Variants in AGAP2 observed in about 807,000 individuals in gnomAD.
AGAP2 encodes ArfGAP with GTPase domain, ankyrin repeat and PH domain 2.
A neutral mutation model predicts 110.9 loss-of-function variants in AGAP2; 32 were observed. The ratio of observed to expected loss-of-function variants is 0.29; its 90% CI spans 0.22 to 0.39. The LOEUF (loss-of-function observed/expected upper bound fraction) is 0.39. Among genes scored for constraint, AGAP2 ranks in the 10% least tolerant of loss-of-function variants. AGAP2 has a pLI of 1.00. For synonymous variants in AGAP2, 702 were observed against 713.0 expected, an observed-to-expected ratio of 0.98 and a Z score of 0.25; for missense variants, 1,285 against 1,638.5, an observed-to-expected ratio of 0.78 and a Z score of 3.72.
chr12:57,738,161 G>A lies in AGAP2; in HGVS notation c.86C>T (p.Pro29Leu). 6.6e-7 allele frequency: 1 copy of A among 1,524,216 alleles called. No individual in the cohort carries two copies. The highest frequency in any genetic ancestry group is 1.7e-4 in the Middle Eastern group (1 of 5,940). 94.4% of individuals were successfully genotyped at this position (1,524,216 alleles called of 1,614,324 possible). A position where few individuals can be genotyped will look rare whatever the true frequency, so the allele number is the denominator to read the frequency against. Reference sequence around the variant, plus strand: ...GGCCGCAGACGGAGAAGGCGGCGGCGGAGGCACCGACTCGAGCTTAACCAG... The same window carrying A: ...GGCCGCAGACGGAGAAGGCGGCGGCAGAGGCACCGACTCGAGCTTAACCAG... ...LTLVKLESVP[P>L]PPPSPSAAAA... is the part of the protein sequence containing the mutation. Residue 29 changes from proline (P) to leucine (L), a missense_variant, in exon 1 of 19, where the codon CCG becomes CTG. Coordinates refer to ENST00000547588, the MANE Select transcript of AGAP2 (RefSeq NM_001122772.3). This position sits in a 1 kb window ranked among gnomAD's most constrained non-coding sequence, Gnocchi z 6.7.
Position 57,732,420 on chromosome 12 carries a change from T to C in AGAP2, c.1777A>G (p.Thr593Ala). Residue 593 changes from threonine (T) to alanine (A), a missense_variant, in exon 7 of 19, where the codon ACT becomes GCT. Transcript: ENST00000547588. ...CAACTCACCTGGCCAGCTACCGGAG[T>C]GGATGCAGCTGAGTGGCTTGGGGAG... ...PSSPSHSAASTPVAGQASNGG... is the reference protein window; with the variant it reads ...PSSPSHSAASAPVAGQASNGG... 2 of 1,604,544 alleles carry C rather than the reference T, an allele frequency of 1.2e-6. No homozygotes were observed. Among genetic ancestry groups the C allele is most frequent in the Non-Finnish European group, 1.7e-6 (2 of 1,175,156 alleles).
chr12:57,735,130 G>A (rs1737667426), intron 2 of AGAP2, among the ~76,000 whole-genome samples: 1 of 152,098 alleles, frequency 6.6e-6, no homozygotes, highest in African/African-American at 2.4e-5. Context: ...CCTGGAGGAG[G>A]ACCATGAACA....
At chr12:57,730,974 G>A (rs1954874726) in intron 10 of AGAP2, 21 bp from the exon 11 acceptor site, 1 of 1,493,840 alleles carries the variant, frequency 6.7e-7, no homozygotes, top group Non-Finnish European at 8.9e-7. Context: ...ACAGGGCCGA[G>A]AGTGTAGGGA....
At chr12:57,729,931 G>C (rs528967034) in intron 12 of AGAP2, among the ~76,000 whole-genome samples, 164 bp from the exon 13 acceptor site, 5 of 152,276 alleles carry the variant, frequency 3.3e-5, no homozygotes, top group African/African-American at 1.2e-4. Context: ...GATGCAGGGA[G>C]ATGAGAGGTT....
chr12:57,737,945 G>C lies in AGAP2; in HGVS notation c.302C>G (p.Ala101Gly), dbSNP rs1210867897. 2.2e-6 allele frequency: 3 copies of C among 1,395,324 alleles called. No individual in the cohort carries two copies. The highest frequency in any genetic ancestry group is 2.8e-6 in the Non-Finnish European group (3 of 1,085,472). 86.4% of individuals were successfully genotyped at this position (1,395,324 alleles called of 1,614,324 possible). A position where few individuals can be genotyped will look rare whatever the true frequency, so the allele number is the denominator to read the frequency against. ...PALSPAPASP[A>G]RPVSPAPGRR... ...GCCGGGAGCGGGGGAGACTGGGCGG[G>C]CCGGACTGGCCGGAGCCGGGGACAG... Residue 101 changes from alanine to glycine, a missense_variant, in exon 1 of 19, where the codon GCC (alanine) becomes GGC (glycine). Physicochemically the swap from Ala to Gly is moderately conservative, Grantham distance 60. This residue lies in a region of AGAP2 where 844 missense variants were observed against 941.2 expected (regional missense o/e 0.90). Transcript: ENST00000547588. This position sits in a 1 kb window ranked among gnomAD's most constrained non-coding sequence, Gnocchi z 5.9.
chr12:57,730,605 G>A lies in AGAP2; in HGVS notation c.2318C>T (p.Thr773Ile), dbSNP rs754573690. The change falls in exon 12 of 19, where the codon ACT becomes ATT. Residue 773 changes from threonine to isoleucine, a missense_variant. This residue lies in a region of AGAP2 where 135 missense variants were observed against 182.0 expected (regional missense o/e 0.74). Transcript: ENST00000547588. ...GCTGGGGCTAGGGCTTGGCATGGGA[G>A]TAGTGGCTTCTGTCGGAAGAAGATG... ...VQMGEGLEAT[T>I]PMPSPSPSPS... is the part of the protein sequence containing the mutation. The A allele has an allele frequency of 6.2e-6, 10 of 1,613,178 alleles. No homozygotes were observed. In the Middle Eastern group the frequency reaches 8.3e-4, roughly 133 times the overall value.
rs199929066 is a variant in AGAP2 at position 57,729,309 on chromosome 12, CA to C, written c.2557+329del. Among the ~76,000 whole-genome samples, 952 of 150,780 alleles carry C rather than the reference CA, an allele frequency of 6.3e-3. 12 individuals carry two copies. Among genetic ancestry groups the C allele is most frequent in the African/African-American group, 0.022 (900 of 41,098 alleles). ...GATAAGGGGCTGAATCACTGGGGAT[CA>C]GCGGGGCTGCCGGGTGCAGGGGCTG... On this transcript the variant is annotated intron_variant, in intron 13 of 18. Coordinates refer to ENST00000547588, the MANE Select transcript of AGAP2 (RefSeq NM_001122772.3).
intron 12 of AGAP2, 152 bp from the exon 13 acceptor site, chr12:57,729,919 G>A (rs1208805810): frequency 8.8e-7 from 1 of 1,133,678 alleles, no homozygotes; most frequent in Non-Finnish European, 1.2e-6. Context: ...ATCATTCCTG[G>A]GGATGCAGGG....
At position 57,738,118 on chromosome 12, in the gene AGAP2, ACCGGCGGCG is replaced by A; in HGVS notation, c.120_128del (p.Ala42_Ala44del). 1 of 1,520,574 alleles carries A rather than the reference ACCGGCGGCG, an allele frequency of 6.6e-7. No individual in the cohort carries two copies. The highest frequency in any genetic ancestry group is 2.5e-5 in the East Asian group (1 of 39,536). The allele number at this position is 1,520,574 out of a possible 1,614,324, so 94.2% of individuals were successfully genotyped here. A position where few individuals can be genotyped will look rare whatever the true frequency, so the allele number is the denominator to read the frequency against. On this transcript the variant is annotated inframe_deletion, in exon 1 of 19. Coordinates refer to ENST00000547588, the MANE Select transcript of AGAP2 (RefSeq NM_001122772.3). This position sits in a 1 kb window ranked among gnomAD's most constrained non-coding sequence, Gnocchi z 6.7. Reference sequence around the variant, plus strand: ...GATCCCCAGTCTCGGAGCCTCTGGCACCGGCGGCGCCGGCCGCGGCCGCAGACGGAGAAG... The same window carrying A: ...GATCCCCAGTCTCGGAGCCTCTGGCACCGGCCGCGGCCGCAGACGGAGAAG...
upstream of AGAP2, among the ~76,000 whole-genome samples, chr12:57,740,954 A>T (rs1313969592): frequency 6.6e-6 from 1 of 152,240 alleles, no homozygotes; most frequent in African/African-American, 2.4e-5. Flanking sequence ...GTAGGCAGGT[A>T]ACAATGGAGA....
chr12:57,727,615 CG>C, intron 16 of AGAP2, 33 bp from the exon 17 acceptor site: 1 of 1,591,980 alleles, frequency 6.3e-7, no homozygotes. Flanking sequence ...GGCTCCCAGC[CG>C]GGCAGCACAG....
At position 57,737,721 on chromosome 12, in the gene AGAP2, G is replaced by T; in HGVS notation, c.526C>A (p.Arg176=). The T allele has an allele frequency of 6.5e-7, 1 of 1,546,868 alleles. No homozygotes were observed. ...GGAGGAGGCGCCACCTTGAGCCTCC[G>T]GCTGCCGGTGCCAGGGTGCGGAGAG... is the stretch of plus-strand genomic sequence containing the variant. ...SSSPHPGTGS[R]RLKVAPPPPA... The change falls in exon 1 of 19, where the codon CGG becomes AGG. Residue 176 remains arginine, a synonymous_variant. Coordinates refer to ENST00000547588, the MANE Select transcript of AGAP2 (RefSeq NM_001122772.3). The surrounding 1 kb of genome is among the most constrained non-coding windows in gnomAD (Gnocchi z 5.9).
intron 12 of AGAP2, chr12:57,730,285 G>A: frequency 1.4e-6 from 1 of 713,686 alleles, no homozygotes; most frequent in Non-Finnish European, 2.2e-6. Flanking sequence ...CATGTGGCAA[G>A]CCAGGATTCA....
At position 57,726,353 on chromosome 12, in the gene AGAP2, C is replaced by A; in HGVS notation, c.*199G>T. 1 of 375,538 alleles carries A rather than the reference C, an allele frequency of 2.7e-6. No homozygotes were observed. Among genetic ancestry groups the A allele is most frequent in the Non-Finnish European group, 4.2e-6 (1 of 235,996 alleles). The allele number at this position is 375,538 out of a possible 1,614,324, so 23.3% of individuals were successfully genotyped here. Reference sequence around the variant, plus strand: ...GAGAGGGGGCGTGTTGAGCTGGGGTCTCCATGCCTCGTTGGGGAGAGGGAG... The same window carrying A: ...GAGAGGGGGCGTGTTGAGCTGGGGTATCCATGCCTCGTTGGGGAGAGGGAG... On this transcript the variant is annotated 3_prime_UTR_variant, in exon 19 of 19. Coordinates refer to ENST00000547588, the MANE Select transcript of AGAP2 (RefSeq NM_001122772.3). The surrounding 1 kb of genome is among the most constrained non-coding windows in gnomAD (Gnocchi z 5.7).
At chr12:57,734,297 C>G (rs767432167) in intron 4 of AGAP2, 22 bp downstream of exon 4, 3 of 1,613,870 alleles carry the variant, frequency 1.9e-6, no homozygotes, top group Admixed American at 1.7e-5. Flanking sequence ...GCCAGCCTGT[C>G]CCCCACCACC....
chr12:57,727,720 C>G lies in AGAP2; in HGVS notation c.2818G>C (p.Ala940Pro). Residue 940 changes from alanine to proline, a missense_variant, in exon 16 of 19, where the codon GCC becomes CCC. Physicochemically the swap from Ala to Pro is conservative, Grantham distance 27. Transcript: ENST00000547588. ...TCCACGCAGATTGAATTCCCCTTGGCGTTCCGGATCGCCTGGATGGCCACG... is the reference window on the plus strand; with the variant it reads ...TCCACGCAGATTGAATTCCCCTTGGGGTTCCGGATCGCCTGGATGGCCACG... ...EAVAIQAIRN[A>P]KGNSICVDCG... 6.2e-7 allele frequency: 1 copy of G among 1,600,520 alleles called. No homozygotes were observed. The highest frequency in any genetic ancestry group is 1.1e-5 in the South Asian group (1 of 89,036).
chr12:57,741,112 C>T (rs1030301956), upstream of AGAP2, among the ~76,000 whole-genome samples: 1 of 152,224 alleles, frequency 6.6e-6, no homozygotes, highest in Non-Finnish European at 1.5e-5. Flanking sequence ...CCTCCAGTTC[C>T]ACCAGTTCCT....
At position 57,725,774 on chromosome 12, in the gene AGAP2, T is replaced by C. The variant is rs1028964975; in HGVS notation, c.*778A>G. The C allele has an allele frequency of 8.7e-6, 1 of 114,792 alleles. No individual in the cohort carries two copies. The allele number at this position is 114,792 out of a possible 1,614,324, so 7.1% of individuals were successfully genotyped here. On this transcript the variant is annotated 3_prime_UTR_variant, in exon 19 of 19. Transcript: ENST00000547588. The stretch of plus-strand genomic sequence containing the variant: ...ACGCCCCTGCCCGCCCCCATCCCCA[T>C]GTTGGGGAACAAAGCAATAAATTAC...
intron 5 of AGAP2, among the ~76,000 whole-genome samples, chr12:57,733,426 A>G (rs1481031438): frequency 6.6e-6 from 1 of 152,170 alleles, no homozygotes; most frequent in Non-Finnish European, 1.5e-5. Flanking sequence ...GATGCAAGCA[A>G]CAGGTGGAGA....
Sources: allele counts gnomAD v4.1 joint callset (sites outside exome capture counted in the v4.1 genomes callset), GRCh38; gene constraint gnomAD v4.1.1; regional missense constraint gnomAD v4.1.1; non-coding constraint Gnocchi (gnomAD v3.1); transcripts MANE v1.5; gene names NCBI Gene and HGNC (gene_info 2026-07-23, HGNC 2026-07-21).